TRABD2A: variants seen among roughly 807,000 people sequenced by gnomAD.
TRABD2A encodes TraB domain containing 2A, also known as metalloprotease TIKI1.
In TRABD2A, 43 loss-of-function variants were observed where a neutral mutation model predicts 45.6. The observed-to-expected ratio is 0.94, with a 90% CI of 0.74 to 1.22. The LOEUF is 1.22. Ranked by LOEUF, TRABD2A falls within the 50% of genes most tolerant of loss-of-function variation. The probability of loss-of-function intolerance (pLI) is 0.00; values close to 1 mark genes in which losing one functional copy is unlikely to be tolerated. For missense variants in TRABD2A, 642 were observed against 652.4 expected, an observed-to-expected ratio of 0.98 and a Z score of 0.17; for synonymous variants, 269 against 265.0, an observed-to-expected ratio of 1.02 and a Z score of -0.15.
intron 2 of TRABD2A, among the ~76,000 whole-genome samples, chr2:84,843,312 A>G (rs1216374091): frequency 6.6e-6 from 1 of 152,160 alleles, no homozygotes; most frequent in Non-Finnish European, 1.5e-5. Flanking sequence ...TGAGGTCTTT[A>G]GCAAGATGTT....
intron 2 of TRABD2A, among the ~76,000 whole-genome samples, chr2:84,848,763 G>A (rs1020648569): frequency 4.0e-5 from 6 of 151,834 alleles, no homozygotes; most frequent in African/African-American, 1.5e-4. Context: ...CTGTAGAGAC[G>A]GAGTTTCGCC....
At chr2:84,823,863 G>A (rs1681064955) in intron 6 of TRABD2A, 90 bp downstream of exon 6, 3 of 1,523,112 alleles carry the variant, frequency 2.0e-6, no homozygotes, top group Admixed American at 4.3e-5. Context: ...CATGAGGGGG[G>A]CTCCCATTGC....
chr2:84,874,369 C>T (rs996202924), intron 1 of TRABD2A, among the ~76,000 whole-genome samples: 1 of 152,204 alleles, frequency 6.6e-6, no homozygotes, highest in Non-Finnish European at 1.5e-5. Flanking sequence ...CCAAGCATTT[C>T]GCCTGGACTG....
chr2:84,872,319 G>A (rs1428510960), intron 1 of TRABD2A, among the ~76,000 whole-genome samples: 1 of 152,088 alleles, frequency 6.6e-6, no homozygotes, highest in Non-Finnish European at 1.5e-5. Context: ...GACCAGCCTG[G>A]GCAACACAGC....
chr2:84,829,363 AACACAC>A (rs146287038), intron 5 of TRABD2A, among the ~76,000 whole-genome samples: 1,725 of 145,316 alleles, frequency 0.012, 18 homozygotes, highest in African/African-American at 0.027. Context: ...AACAACCAGC[AACACAC>A]ACACACACAC....
chr2:84,824,247 A>G (rs1396075092), intron 5 of TRABD2A, 43 bp from the exon 6 acceptor site: 3 of 1,609,636 alleles, frequency 1.9e-6, no homozygotes, highest in Non-Finnish European at 2.5e-6. Context: ...GGAGGGTCAC[A>G]CAGCATGGCG....
At chr2:84,835,216 TACTAGAGGAAAAACTAGAGGTC>T in intron 4 of TRABD2A, 1 of 129,024 alleles carries the variant, frequency 7.8e-6, no homozygotes, top group Non-Finnish European at 1.6e-5. Context: ...AGACAAAAAA[TACTAGAGGAAAAACTAGAGGTC>T]ACTAGAGGAA....
chr2:84,878,010 C>G (rs1683082230), intron 1 of TRABD2A, among the ~76,000 whole-genome samples: 1 of 152,120 alleles, frequency 6.6e-6, no homozygotes, highest in Non-Finnish European at 1.5e-5. Context: ...GGGGAAGGGG[C>G]AGCAATAAAC....
chr2:84,842,726 C>CAAAAA (rs554936599), intron 2 of TRABD2A, among the ~76,000 whole-genome samples: 1 of 101,398 alleles, frequency 9.9e-6, no homozygotes, highest in East Asian at 3.1e-4. Flanking sequence ...GACTCTGTCT[C>CAAAAA]AAAAAAAAAA....
chr2:84,871,982 G>A (rs1283817856), intron 1 of TRABD2A, among the ~76,000 whole-genome samples: 1 of 152,198 alleles, frequency 6.6e-6, no homozygotes, highest in African/African-American at 2.4e-5. Flanking sequence ...TCTCCAAGCA[G>A]TTGCACATGC....
At chr2:84,875,984 C>A (rs1374410093) in intron 1 of TRABD2A, among the ~76,000 whole-genome samples, 4 of 148,676 alleles carry the variant, frequency 2.7e-5, no homozygotes, top group African/African-American at 7.5e-5. Context: ...CAGAGTGAGA[C>A]CCTATCTCAA....
At chr2:84,858,270 C>T (rs1310685554) in intron 2 of TRABD2A, among the ~76,000 whole-genome samples, 1 of 150,388 alleles carries the variant, frequency 6.6e-6, no homozygotes, top group Non-Finnish European at 1.5e-5. Flanking sequence ...CTCCCTCCAA[C>T]ATCGTCTCCC....
chr2:84,827,727 C>T (rs2105371389), intron 5 of TRABD2A, among the ~76,000 whole-genome samples: 1 of 152,288 alleles, frequency 6.6e-6, no homozygotes, highest in South Asian at 2.1e-4. Flanking sequence ...GTGCCCAATC[C>T]AATCACACGG....
chr2:84,839,385 ATTG>A, intron 3 of TRABD2A, 62 bp from the exon 4 acceptor site: 1 of 1,477,994 alleles, frequency 6.8e-7, no homozygotes, highest in South Asian at 1.3e-5. Flanking sequence ...AAGTTACTTC[ATTG>A]GAGCATCAAA....
intron 2 of TRABD2A, among the ~76,000 whole-genome samples, chr2:84,856,085 T>C (rs934555318): frequency 6.6e-6 from 1 of 152,188 alleles, no homozygotes; most frequent in African/African-American, 2.4e-5. Flanking sequence ...GGAGTTGTTG[T>C]GTCTTCTTTT....
chr2:84,880,643 G>C (rs547116187), intron 1 of TRABD2A, among the ~76,000 whole-genome samples: 2 of 152,232 alleles, frequency 1.3e-5, no homozygotes, highest in African/African-American at 4.8e-5. Flanking sequence ...CCGAAAGCTC[G>C]CGAAAATGGC....
intron 2 of TRABD2A, among the ~76,000 whole-genome samples, chr2:84,846,408 C>T (rs1439905666): frequency 3.9e-5 from 6 of 152,178 alleles, no homozygotes; most frequent in Admixed American, 3.3e-4. Context: ...CAGATTAAAA[C>T]CCAGCACAAG....
intron 1 of TRABD2A, among the ~76,000 whole-genome samples, chr2:84,876,954 A>C (rs1457966615): frequency 6.6e-6 from 1 of 152,158 alleles, no homozygotes; most frequent in East Asian, 1.9e-4. Context: ...ATCCCCAAAT[A>C]CTGAAATACT....
At chr2:84,837,957 A>G in intron 4 of TRABD2A, 1 of 383,772 alleles carries the variant, frequency 2.6e-6, no homozygotes, top group Non-Finnish European at 4.6e-6. Flanking sequence ...TAATATTGCT[A>G]TTTCCAGCAA....
Sources: allele counts gnomAD v4.1 joint callset (sites outside exome capture counted in the v4.1 genomes callset), GRCh38; gene constraint gnomAD v4.1.1; transcripts MANE v1.5; gene names NCBI Gene and HGNC (gene_info 2026-07-23, HGNC 2026-07-21).